The following DIS3L2 variants were observed in gnomAD, a reference collection of about 807,000 sequenced individuals.
DIS3L2 encodes DIS3 like 3'-5' exoribonuclease 2, also known as DIS3-like exonuclease 2.
In DIS3L2, 34 loss-of-function variants were observed where a neutral mutation model predicts 97.5. That is an observed-to-expected ratio of 0.35 (90% confidence interval 0.27 to 0.46). The LOEUF (loss-of-function observed/expected upper bound fraction) is 0.46. Ranked by LOEUF, DIS3L2 falls within the 20% of genes least tolerant of loss-of-function variation. The pLI is 1.00. For synonymous variants in DIS3L2, 435 were observed against 445.2 expected, an observed-to-expected ratio of 0.98 and a Z score of 0.29; for missense variants, 1,038 against 1,146.0, an observed-to-expected ratio of 0.91 and a Z score of 1.36.
At position 232,163,617 on chromosome 2, in the gene DIS3L2, A is replaced by G; in HGVS notation, c.1109A>G (p.Lys370Arg). The G allele has an allele frequency of 1.2e-6, 2 of 1,613,600 alleles. No homozygotes were observed. Among genetic ancestry groups the G allele is most frequent in the Non-Finnish European group, 8.5e-7 (1 of 1,179,970 alleles). ...PWTIPPEEFS[K>R]RRDLRKDCIF... Reference sequence around the variant, plus strand: ...ACAATTCCACCAGAGGAGTTCAGCAAGAGAAGGGATTTAAGGTAAGCACCT... The same window carrying G: ...ACAATTCCACCAGAGGAGTTCAGCAGGAGAAGGGATTTAAGGTAAGCACCT... Residue 370 changes from lysine (K) to arginine (R), a missense_variant, in exon 9 of 21, where the codon AAG becomes AGG. Lys to Arg is a conservative substitution (Grantham distance 26, BLOSUM62 2). Around this residue, in one of 3 missense-constraint regions of DIS3L2, gnomAD observed 813 missense variants for 880.1 expected, o/e 0.92. Transcript: ENST00000325385.
chr2:232,258,598 CAAAAAAA>C (rs35525137), intron 12 of DIS3L2, among the ~76,000 whole-genome samples: 10 of 74,646 alleles, frequency 1.3e-4, no homozygotes, highest in East Asian at 4.5e-4. Context: ...GACTCTGTCT[CAAAAAAA>C]AAAAAAAAAA....
intron 6 of DIS3L2, among the ~76,000 whole-genome samples, chr2:232,109,006 C>T (rs1212750758): frequency 6.6e-6 from 1 of 152,170 alleles, no homozygotes; most frequent in Non-Finnish European, 1.5e-5. Flanking sequence ...AGATTAAATG[C>T]TATTCCCATT....
chr2:232,075,491 C>A (rs1001840319), intron 5 of DIS3L2, among the ~76,000 whole-genome samples: 1 of 152,188 alleles, frequency 6.6e-6, no homozygotes, highest in Non-Finnish European at 1.5e-5. Flanking sequence ...CTCAGGTTCT[C>A]TTTTCAGTAG....
chr2:232,079,325 A>G (rs1696313672), intron 5 of DIS3L2, among the ~76,000 whole-genome samples: 1 of 152,102 alleles, frequency 6.6e-6, no homozygotes, highest in Non-Finnish European at 1.5e-5. Flanking sequence ...GGCCAGGCGC[A>G]GTGGCTCACA....
intron 9 of DIS3L2, among the ~76,000 whole-genome samples, chr2:232,185,322 TA>T (rs894996488): frequency 4.6e-5 from 7 of 152,182 alleles, no homozygotes; most frequent in African/African-American, 1.7e-4. Flanking sequence ...ACTTGGAAAT[TA>T]AACAACACAC....
chr2:231,967,542 T>G (rs1196396674), intron 1 of DIS3L2, among the ~76,000 whole-genome samples: 2 of 152,256 alleles, frequency 1.3e-5, no homozygotes, highest in African/African-American at 4.8e-5. Flanking sequence ...GCAACAGTTA[T>G]ACCAAGAAGG....
At chr2:232,114,669 T>A (rs1697646822) in intron 6 of DIS3L2, among the ~76,000 whole-genome samples, 1 of 152,114 alleles carries the variant, frequency 6.6e-6, no homozygotes, top group South Asian at 2.1e-4. Context: ...CCCGAAGTAA[T>A]CATTGTCCTA....
chr2:232,042,807 A>T (rs1695144799), intron 5 of DIS3L2, among the ~76,000 whole-genome samples: 2 of 152,220 alleles, frequency 1.3e-5, no homozygotes. Context: ...ATTTCTCCTT[A>T]ACCCCATGGA....
intron 1 of DIS3L2, among the ~76,000 whole-genome samples, chr2:231,974,051 T>A (rs995229571): frequency 1.8e-4 from 28 of 152,058 alleles, no homozygotes; most frequent in African/African-American, 6.3e-4. Flanking sequence ...TAAAAAAATA[T>A]ATATATATAC....
chr2:232,289,397 C>T (rs1235245544), intron 13 of DIS3L2, among the ~76,000 whole-genome samples: 4 of 152,046 alleles, frequency 2.6e-5, no homozygotes, highest in South Asian at 2.1e-4. Flanking sequence ...CTCAGCCTCC[C>T]GAGTAGCTGG....
At position 232,037,595 on chromosome 2, in the gene DIS3L2, C is replaced by T. The variant is rs1303748190; in HGVS notation, c.366+7515C>T. Among the ~76,000 whole-genome samples, 3 of 152,190 alleles carry T rather than the reference C, an allele frequency of 2.0e-5. No homozygotes were observed. The highest frequency in any genetic ancestry group is 2.1e-4 in the South Asian group (1 of 4,834). The stretch of plus-strand genomic sequence containing the variant: ...GTCACTGGGGTACGAAAAAAAACTC[C>T]TGCAGCTAGCTCGGTGTCTGCCCAA... On this transcript the variant is annotated intron_variant, in intron 5 of 20. Transcript: ENST00000325385. This position sits in a 1 kb window ranked among gnomAD's most constrained non-coding sequence, Gnocchi z 4.6.
rs1308869559 is a variant in DIS3L2, at chr2:232,333,257, G to A, written c.2011-583G>A. On this transcript the variant is annotated intron_variant, in intron 16 of 20. Coordinates refer to ENST00000325385, the MANE Select transcript of DIS3L2 (RefSeq NM_152383.5). ...CTCCTCCTCCTCCTCCTCCTCCTCC[G>A]CTGTCGCCTCCTCCTCCTCCTCTGC... Among the ~76,000 whole-genome samples the A allele has an allele frequency of 1.1e-3, 108 of 96,444 alleles. 2 individuals carry two copies. The highest frequency in any genetic ancestry group is 3.4e-3 in the African/African-American group (87 of 25,682). The allele number at this position is 96,444 out of a possible 152,430, so 63.3% of individuals were successfully genotyped here. A position where few individuals can be genotyped will look rare whatever the true frequency, so the allele number is the denominator to read the frequency against.
At chr2:232,329,787 C>CCGGGGGGCGG in intron 14 of DIS3L2, 26 bp from the exon 15 acceptor site, 1 of 1,062,210 alleles carries the variant, frequency 9.4e-7, no homozygotes. Flanking sequence ...CCCAGCGGTC[C>CCGGGGGGCGG]CTCCCATCCC....
At chr2:232,246,813 A>G (rs1344060966) in intron 11 of DIS3L2, among the ~76,000 whole-genome samples, 1 of 25,366 alleles carries the variant, frequency 3.9e-5, no homozygotes, top group African/African-American at 1.9e-4. Flanking sequence ...TTTTCACTAA[A>G]TAATTAGCAT....
rs77916858 is a variant in DIS3L2 at position 232,183,000 on chromosome 2, A to G, written c.1124+19368A>G. ...CTCTAAGTTCGTAGGTTGAAACTCT[A>G]ACCCCCAAATTATAGTTTAGGAAGG... On this transcript the variant is annotated intron_variant, in intron 9 of 20. Transcript: ENST00000325385. 4.0e-3 allele frequency among the ~76,000 whole-genome samples: 612 copies of G among 152,268 alleles called. 5 individuals are homozygous for G. The highest frequency in any genetic ancestry group is 0.014 in the African/African-American group (575 of 41,532).
At chr2:232,026,031 A>AT (rs765524651) in intron 4 of DIS3L2, among the ~76,000 whole-genome samples, 1 of 152,082 alleles carries the variant, frequency 6.6e-6, no homozygotes, top group African/African-American at 2.4e-5. Flanking sequence ...GTTTGCTCTT[A>AT]TTGATTGGTG....
Position 232,335,993 on chromosome 2 carries a change from G to T in DIS3L2, c.2496+119G>T. 5 of 1,529,262 alleles carry T rather than the reference G, an allele frequency of 3.3e-6. 1 individual carries two copies. In the South Asian group the frequency reaches 6.2e-5, roughly 19 times the overall value. The allele number at this position is 1,529,262 out of a possible 1,614,324, so 94.7% of individuals were successfully genotyped here. A position where few individuals can be genotyped will look rare whatever the true frequency, so the allele number is the denominator to read the frequency against. On this transcript the variant is annotated intron_variant, in intron 20 of 20. Transcript: ENST00000325385. The stretch of plus-strand genomic sequence containing the variant: ...GCTCCCCCAGCACTGCAGCCTCCCG[G>T]GTGGGGTTTTAGGGCCCTCCCAGCT...
At chr2:232,129,238 A>G (rs1291824110) in intron 6 of DIS3L2, among the ~76,000 whole-genome samples, 8 of 152,208 alleles carry the variant, frequency 5.3e-5, no homozygotes, top group Admixed American at 3.9e-4. Context: ...CTAGTTGTCA[A>G]ATATCTAAGT....
At chr2:232,212,206 C>G (rs764119983) in intron 10 of DIS3L2, among the ~76,000 whole-genome samples, 1 of 152,200 alleles carries the variant, frequency 6.6e-6, no homozygotes, top group East Asian at 1.9e-4. Context: ...CATACCTGCT[C>G]GGCATATAGA....
Sources: gnomAD v4.1 joint callset for allele counts (sites outside exome capture counted in the v4.1 genomes callset) on GRCh38, gnomAD v4.1.1 for gene constraint, gnomAD v4.1.1 regional missense constraint, Gnocchi (gnomAD v3.1) non-coding constraint, MANE v1.5 for transcripts, NCBI Gene and HGNC (gene_info 2026-07-23, HGNC 2026-07-21) for gene names.